Variants in SLFN12L observed in about 807,000 individuals in gnomAD.
The protein encoded by SLFN12L is schlafen family member 12-like.
Under a neutral mutation model 34.8 loss-of-function variants are expected in SLFN12L, and 34 were observed. That is an observed-to-expected ratio of 0.98 (90% CI 0.74 to 1.30). SLFN12L has a LOEUF of 1.30. Among genes scored for constraint, SLFN12L ranks in the 50% most tolerant of loss-of-function variants. The pLI, the probability that SLFN12L is intolerant of heterozygous loss-of-function variation, is 0.00. For missense variants in SLFN12L, 703 were observed against 696.2 expected (o/e 1.01, Z -0.11); for synonymous variants, 259 against 247.5 (o/e 1.05, Z -0.44).
chr17:35,465,544 T>TA lies in SLFN12L; in HGVS notation c.*9378dup, dbSNP rs756001245. Among the ~76,000 whole-genome samples, 2 of 152,110 alleles carry TA rather than the reference T, an allele frequency of 1.3e-5. No individual in the cohort carries two copies. Among genetic ancestry groups the TA allele is most frequent in the Middle Eastern group, 3.4e-3 (1 of 294 alleles). ...ATAGTTAATATGGTTCAATGTAAGT[T>TA]AAAATAGGCCCTTGAAGGATTGAAA... On this transcript the variant is annotated 3_prime_UTR_variant, in exon 5 of 5. Transcript: ENST00000628453.
chr17:35,485,024 T>G (rs1375572143), intron 2 of SLFN12L, among the ~76,000 whole-genome samples: 2 of 152,212 alleles, frequency 1.3e-5, no homozygotes, highest in Non-Finnish European at 2.9e-5. Context: ...GGCATACAAT[T>G]TTTTACAGTA....
intron 2 of SLFN12L, among the ~76,000 whole-genome samples, chr17:35,517,479 T>A (rs1915868025): frequency 6.6e-6 from 1 of 152,184 alleles, no homozygotes; most frequent in Admixed American, 6.5e-5. Context: ...CTGCCCAAAG[T>A]AATTTATAGA....
At chr17:35,521,782 G>C (rs1476227087) in intron 2 of SLFN12L, among the ~76,000 whole-genome samples, 1 of 152,214 alleles carries the variant, frequency 6.6e-6, no homozygotes. Context: ...GCTGAGGTGA[G>C]AGGATTGCTT....
intron 2 of SLFN12L, among the ~76,000 whole-genome samples, chr17:35,493,241 G>T (rs1353989118): frequency 6.6e-6 from 1 of 152,196 alleles, no homozygotes; most frequent in Non-Finnish European, 1.5e-5. Context: ...GAAGCATTGG[G>T]GTGGGGGAGG....
At chr17:35,484,831 C>A (rs535646154) in intron 2 of SLFN12L, among the ~76,000 whole-genome samples, 1 of 152,084 alleles carries the variant, frequency 6.6e-6, no homozygotes, top group Non-Finnish European at 1.5e-5. Flanking sequence ...AAAATTTACT[C>A]GGGTAGAATT....
intron 1 of SLFN12L, among the ~76,000 whole-genome samples, chr17:35,529,086 A>T (rs1474969942): frequency 6.6e-6 from 1 of 152,238 alleles, no homozygotes; most frequent in Non-Finnish European, 1.5e-5. Flanking sequence ...CAACAAACAT[A>T]TGAAAAAAAG....
At position 35,480,206 on chromosome 17, in the gene SLFN12L, G is replaced by C. The variant is rs1209360184; in HGVS notation, c.87-11C>G. ...CGCAGAAATTCTTTTCTGTAAAATA[G>C]AGCCGTTAGAATAGGAGTTAAGCCT... On this transcript the variant is annotated splice_polypyrimidine_tract_variant and intron_variant, in intron 2 of 4. Coordinates refer to ENST00000628453, the MANE Select transcript of SLFN12L (RefSeq NM_001363830.2). The C allele has an allele frequency of 2.6e-6, 4 of 1,546,598 alleles. No homozygotes were observed. Among genetic ancestry groups the C allele is most frequent in the East Asian group, 4.6e-5 (2 of 43,242 alleles).
chr17:35,498,592 T>C, intron 2 of SLFN12L: 3 of 1,591,672 alleles, frequency 1.9e-6, no homozygotes, highest in Non-Finnish European at 2.6e-6. Context: ...TTCCATGGAA[T>C]GTTTCTGCAG....
At chr17:35,497,687 C>T (rs1219853037) in intron 2 of SLFN12L, among the ~76,000 whole-genome samples, 1 of 152,122 alleles carries the variant, frequency 6.6e-6, no homozygotes, top group East Asian at 1.9e-4. Flanking sequence ...CTTGAAAACG[C>T]CTTCTTTGCA....
In SLFN12L at chr17:35,479,928, C is replaced by T; in HGVS notation, c.354G>A (p.Gly118=). Residue 118 remains glycine (G), a synonymous_variant, in exon 3 of 5, where the codon GGG becomes GGA. Coordinates refer to ENST00000628453, the MANE Select transcript of SLFN12L (RefSeq NM_001363830.2). ...TACTAAAAGAATTTTCCAAATCTAG[C>T]CCTATTCCATCTTTTTTATAACTAT... The part of the protein sequence containing the change: ...KGYSYKKDGI[G]LDLENSFSNM... 6.2e-7 allele frequency: 1 copy of T among 1,614,052 alleles called. No individual in the cohort carries two copies. The highest frequency in any genetic ancestry group is 8.5e-7 in the Non-Finnish European group (1 of 1,179,948).
In SLFN12L at chr17:35,495,717, G is replaced by C. The variant is rs1430774809; in HGVS notation, c.87-15522C>G. On this transcript the variant is annotated intron_variant, in intron 2 of 4. Transcript: ENST00000628453. ...TCCGATTCTGCTCGCGAGCCGCAGA[G>C]ATTGGTGCCCACTCGACCCTTTTCG... Among the ~76,000 whole-genome samples the C allele has an allele frequency of 2.0e-5, 3 of 147,308 alleles. No individual in the cohort carries two copies. In the East Asian group the frequency reaches 6.3e-4, roughly 31 times the overall value.
chr17:35,530,508 G>GAAAGAAAGAAAGAAAGAAAGA (rs1555545979), intron 1 of SLFN12L, among the ~76,000 whole-genome samples: 3 of 32,712 alleles, frequency 9.2e-5, no homozygotes, highest in African/African-American at 1.6e-4. Context: ...AAGAAAGAAA[G>GAAAGAAAGAAAGAAAGAAAGA]AAAGAAAAGA....
Position 35,475,371 on chromosome 17 carries a change from G to A in SLFN12L, c.1391C>T (p.Ser464Leu), listed in dbSNP as rs1913952071. ...CEEMGSVNKGSLIFSRSWSLD... is the reference protein window; with the variant it reads ...CEEMGSVNKGLLIFSRSWSLD... ...AGACCAGCTCCTAGAGAAGATCAGT[G>A]AGCCCTTATTGACAGAGCCCATTTC... Residue 464 changes from serine to leucine, a missense_variant, in exon 5 of 5, where the codon TCA (serine) becomes TTA (leucine). Transcript: ENST00000628453. 1 of 1,614,084 alleles carries A rather than the reference G, an allele frequency of 6.2e-7. No individual in the cohort carries two copies.
intron 2 of SLFN12L, among the ~76,000 whole-genome samples, chr17:35,495,902 CACA>C (rs1915045070): frequency 1.1e-4 from 1 of 8,770 alleles, no homozygotes; most frequent in Non-Finnish European, 2.2e-4. Flanking sequence ...CGATTTGAAA[CACA>C]CACACACACA....
intron 2 of SLFN12L, among the ~76,000 whole-genome samples, chr17:35,495,358 T>G (rs1398508284): frequency 6.6e-6 from 1 of 152,190 alleles, no homozygotes; most frequent in East Asian, 1.9e-4. Context: ...TTTCAAGGGT[T>G]TCTAGGTAGG....
At position 35,480,064 on chromosome 17, in the gene SLFN12L, A is replaced by C; in HGVS notation, c.218T>G (p.Met73Arg). The C allele has an allele frequency of 3.1e-6, 5 of 1,613,766 alleles. No individual in the cohort carries two copies. The highest frequency in any genetic ancestry group is 4.2e-6 in the Non-Finnish European group (5 of 1,179,932). Residue 73 changes from methionine to arginine, a missense_variant, in exon 3 of 5, where the codon ATG becomes AGG. Met to Arg is a moderately conservative substitution (Grantham distance 91). Coordinates refer to ENST00000628453, the MANE Select transcript of SLFN12L (RefSeq NM_001363830.2). ...CTGTTTTCTCAGTTGACAATCCTTCATTTTTTTTCTATTGTTCTCTCCAAG... is the reference window on the plus strand; with the variant it reads ...CTGTTTTCTCAGTTGACAATCCTTCCTTTTTTTTCTATTGTTCTCTCCAAG... ...VTLGENNRKK[M>R]KDCQLRKQQN...
Position 35,478,191 on chromosome 17 carries a change from GAAT to G in SLFN12L, c.1166-9_1166-7del, listed in dbSNP as rs758755365. The stretch of plus-strand genomic sequence containing the variant: ...AGAGGGCAGTTCCTCACATACTATG[GAAT>G]AATGTTAGAAAACAAAAATCACGCT... On this transcript the variant is annotated splice_region_variant and splice_polypyrimidine_tract_variant and intron_variant, in intron 3 of 4. Transcript: ENST00000628453. The G allele has an allele frequency of 3.9e-6, 6 of 1,519,420 alleles. No individual in the cohort carries two copies. The African/African-American group carries it at 8.4e-5, about 21-fold the overall frequency. The allele number at this position is 1,519,420 out of a possible 1,614,324, so 94.1% of individuals were successfully genotyped here.
Position 35,479,547 on chromosome 17 carries a change from GT to G in SLFN12L, c.734del (p.His245ProfsTer4). The G allele has an allele frequency of 1.2e-6, 2 of 1,614,088 alleles. No homozygotes were observed. Among genetic ancestry groups the G allele is most frequent in the South Asian group, 2.2e-5 (2 of 91,060 alleles). On this transcript the variant is annotated frameshift_variant, in exon 3 of 5. Transcript: ENST00000628453. LOFTEE classifies it high-confidence loss of function. ...CAGTCGAGAAGTTTTTTATTTCAAC[GT>G]GTGTGGATTCAGTAAAGGTCAATTT... ...KEKLTFTESTHVEIKNFSTEK... is the reference protein window; with the variant it reads ...KEKLTFTESTXVEIKNFSTEK...
intron 2 of SLFN12L, among the ~76,000 whole-genome samples, chr17:35,482,231 CA>C (rs1406359626): frequency 6.6e-6 from 1 of 152,232 alleles, no homozygotes; most frequent in African/African-American, 2.4e-5. Flanking sequence ...TCTCAAAATT[CA>C]TATGTTGAAA....
Sources: allele counts gnomAD v4.1 joint callset (sites outside exome capture counted in the v4.1 genomes callset), GRCh38; gene constraint gnomAD v4.1.1; transcripts MANE v1.5; gene names NCBI Gene and HGNC (gene_info 2026-07-23, HGNC 2026-07-21).